The following CELF4 variants were observed in gnomAD, a reference collection of about 807,000 sequenced individuals.
CELF4 encodes CUG-BP- and ETR-3-like factor 4.
A neutral mutation model predicts 59.9 loss-of-function variants in CELF4; 18 were observed. That is an observed-to-expected ratio of 0.30 (90% CI 0.21 to 0.45). The LOEUF is 0.45. Ranked by LOEUF, CELF4 falls within the 20% of genes least tolerant of loss-of-function variation. The pLI is 1.00. For missense variants in CELF4, 456 were observed against 689.0 expected (o/e 0.66, Z 3.79); for synonymous variants, 261 against 267.1 (o/e 0.98, Z 0.22).
At chr18:37,510,264 C>T (rs967907725) in intron 1 of CELF4, among the ~76,000 whole-genome samples, 15 of 152,212 alleles carry the variant, frequency 9.9e-5, no homozygotes, top group Non-Finnish European at 1.0e-4. Flanking sequence ...GCCCAGAATC[C>T]TCAGTGCACA....
At chr18:37,456,477 C>A (rs2099778688) in intron 2 of CELF4, among the ~76,000 whole-genome samples, 1 of 152,196 alleles carries the variant, frequency 6.6e-6, no homozygotes, top group Non-Finnish European at 1.5e-5. Flanking sequence ...TCCAGCCCTG[C>A]ACGTCTGACA....
In CELF4 at chr18:37,245,183, G is replaced by C. The variant is rs1014434895; in HGVS notation, c.*59C>G. 1 of 152,038 alleles carries C rather than the reference G, an allele frequency of 6.6e-6. No individual in the cohort carries two copies. Among genetic ancestry groups the C allele is most frequent in the Non-Finnish European group, 1.5e-5 (1 of 67,996 alleles). The allele number at this position is 152,038 out of a possible 1,614,324, so 9.4% of individuals were successfully genotyped here. A position where few individuals can be genotyped will look rare whatever the true frequency, so the allele number is the denominator to read the frequency against. ...AGAGGTTTGTTTTTTAATGTAGCCC[G>C]TTCAGCATCCTGCCCTAAAATGAAG... is the stretch of plus-strand genomic sequence containing the variant. On this transcript the variant is annotated 3_prime_UTR_variant, in exon 13 of 13. Transcript: ENST00000420428. The surrounding 1 kb of genome is among the most constrained non-coding windows in gnomAD (Gnocchi z 4.1).
chr18:37,290,736 A>G (rs111903661), intron 3 of CELF4, among the ~76,000 whole-genome samples: 5 of 152,196 alleles, frequency 3.3e-5, no homozygotes, highest in East Asian at 3.9e-4. Flanking sequence ...TAATCTTCAA[A>G]TTTATCCTTT....
intron 2 of CELF4, among the ~76,000 whole-genome samples, chr18:37,441,279 G>A (rs954870905): frequency 6.7e-6 from 1 of 148,936 alleles, no homozygotes; most frequent in Non-Finnish European, 1.5e-5. Flanking sequence ...AATGCTGTGT[G>A]TGTGTGTGTG....
rs763680357 is a variant in CELF4 at position 37,275,100 on chromosome 18, C to T, written c.577+15G>A. On this transcript the variant is annotated intron_variant, in intron 4 of 12. Coordinates refer to ENST00000420428, the MANE Select transcript of CELF4 (RefSeq NM_020180.4). ...CCTCCCTCCGGGGCATCCCTCCCGG[C>T]CCCGCCCCGCGCACCCTTGCTGTTG... 6.2e-7 allele frequency: 1 copy of T among 1,611,726 alleles called. No homozygotes were observed. Among genetic ancestry groups the T allele is most frequent in the Non-Finnish European group, 8.5e-7 (1 of 1,179,064 alleles).
At chr18:37,507,687 A>G (rs535787181) in intron 1 of CELF4, among the ~76,000 whole-genome samples, 9 of 152,318 alleles carry the variant, frequency 5.9e-5, no homozygotes, top group African/African-American at 2.2e-4. Context: ...ACCTGGGTTT[A>G]TACTGGGCTG....
At chr18:37,297,904 A>G (rs1446737346) in intron 3 of CELF4, among the ~76,000 whole-genome samples, 1 of 147,712 alleles carries the variant, frequency 6.8e-6, no homozygotes, top group African/African-American at 2.6e-5. Flanking sequence ...CTGGCCGTCA[A>G]GTTAGCAGGC....
At chr18:37,428,109 G>A (rs1323324289) in intron 2 of CELF4, among the ~76,000 whole-genome samples, 1 of 152,200 alleles carries the variant, frequency 6.6e-6, no homozygotes, top group Non-Finnish European at 1.5e-5. Flanking sequence ...TTAATTGGTG[G>A]GTGGTAAAGC....
At chr18:37,448,564 A>G (rs1329407674) in intron 2 of CELF4, among the ~76,000 whole-genome samples, 1 of 152,192 alleles carries the variant, frequency 6.6e-6, no homozygotes. Context: ...AGTGGCAGCC[A>G]TCCCCACCCT....
At chr18:37,474,328 T>A (rs555071775) in intron 2 of CELF4, among the ~76,000 whole-genome samples, 1 of 152,222 alleles carries the variant, frequency 6.6e-6, no homozygotes, top group South Asian at 2.1e-4. Context: ...ACTTCTCCAA[T>A]GCAGAGGTAG....
At chr18:37,298,152 G>A (rs2095781234) in intron 3 of CELF4, among the ~76,000 whole-genome samples, 1 of 152,232 alleles carries the variant, frequency 6.6e-6, no homozygotes, top group South Asian at 2.1e-4. Context: ...AGGGCTGCAG[G>A]AAGGAGTGAT....
At chr18:37,561,840 C>G (rs2154606314) in intron 1 of CELF4, among the ~76,000 whole-genome samples, 1 of 152,294 alleles carries the variant, frequency 6.6e-6, no homozygotes, top group Middle Eastern at 3.4e-3. Context: ...TCTCTTTTCT[C>G]TTTAATCAAT....
At chr18:37,275,461 C>T (rs1343577499) in intron 3 of CELF4, among the ~76,000 whole-genome samples, 1 of 152,000 alleles carries the variant, frequency 6.6e-6, no homozygotes, top group Non-Finnish European at 1.5e-5. Flanking sequence ...TAGGAGCGCA[C>T]AGTCGCGGGA....
chr18:37,394,930 C>A (rs2099222376), intron 2 of CELF4, among the ~76,000 whole-genome samples: 1 of 151,020 alleles, frequency 6.6e-6, no homozygotes, highest in African/African-American at 2.4e-5. Context: ...AGCCTTCCTG[C>A]CATGCCCAAG....
At chr18:37,282,506 T>C (rs1375996082) in intron 3 of CELF4, among the ~76,000 whole-genome samples, 3 of 152,204 alleles carry the variant, frequency 2.0e-5, no homozygotes, top group African/African-American at 7.2e-5. Context: ...CAAGGTTGCC[T>C]GACCACTCCA....
chr18:37,432,515 C>G (rs1293429328), intron 2 of CELF4, among the ~76,000 whole-genome samples: 2 of 152,198 alleles, frequency 1.3e-5, no homozygotes, highest in Non-Finnish European at 2.9e-5. Context: ...GCACCCGGAC[C>G]AAGCAAAGCA....
intron 2 of CELF4, among the ~76,000 whole-genome samples, chr18:37,367,482 A>G (rs907906991): frequency 6.6e-6 from 1 of 151,812 alleles, no homozygotes; most frequent in Non-Finnish European, 1.5e-5. Context: ...GAGGGAAAGG[A>G]TGCTCTGGGA....
At chr18:37,277,135 C>G (rs1437467909) in intron 3 of CELF4, among the ~76,000 whole-genome samples, 1 of 152,244 alleles carries the variant, frequency 6.6e-6, no homozygotes, top group Admixed American at 6.5e-5. Context: ...CTCTGCCCTG[C>G]TGGTACTCCT....
chr18:37,493,735 C>G (rs1017475889), intron 1 of CELF4, among the ~76,000 whole-genome samples: 39 of 152,124 alleles, frequency 2.6e-4, no homozygotes, highest in African/African-American at 9.2e-4. Flanking sequence ...AGGCTGCAGC[C>G]TGCTCTCCTC....
Sources: allele counts gnomAD v4.1 joint callset (sites outside exome capture counted in the v4.1 genomes callset), GRCh38; gene constraint gnomAD v4.1.1; non-coding constraint Gnocchi (gnomAD v3.1); transcripts MANE v1.5; gene names NCBI Gene and HGNC (gene_info 2026-07-23, HGNC 2026-07-21).